Variants in PHC3 observed in about 807,000 individuals in gnomAD.
The protein encoded by PHC3 is polyhomeotic-like protein 3.
Under a neutral mutation model 107.4 loss-of-function variants are expected in PHC3, and 13 were observed. That is an observed-to-expected ratio of 0.12 (90% CI 0.08 to 0.19). The LOEUF (loss-of-function observed/expected upper bound fraction) is 0.19, where lower values mean the gene tolerates loss of function less well. Ranked by LOEUF, PHC3 falls within the 10% of genes least tolerant of loss-of-function variation. The pLI, the probability that PHC3 is intolerant of heterozygous loss-of-function variation, is 1.00. For synonymous variants in PHC3, 456 were observed against 427.4 expected (o/e 1.07, Z -0.83); for missense variants, 992 against 1,210.9 (o/e 0.82, Z 2.68).
chr3:170,103,760 A>G (rs1166620487), intron 12 of PHC3, among the ~76,000 whole-genome samples: 1 of 152,188 alleles, frequency 6.6e-6, no homozygotes, highest in Non-Finnish European at 1.5e-5. Context: ...CAGCCATTGA[A>G]AATACCCTGA....
In PHC3 at chr3:170,172,622, G is replaced by C; in HGVS notation, c.271C>G (p.His91Asp). 6.2e-7 allele frequency: 1 copy of C among 1,613,726 alleles called. No homozygotes were observed. Among genetic ancestry groups the C allele is most frequent in the Non-Finnish European group, 8.5e-7 (1 of 1,179,856 alleles). The change falls in exon 3 of 15, where the codon CAT (histidine) becomes GAT (aspartate). Residue 91 changes from histidine (H) to aspartate (D), a missense_variant. Physicochemically the swap from His to Asp is moderately conservative, Grantham distance 81. This residue lies in a region of PHC3 where 161 missense variants were observed against 183.7 expected (regional missense o/e 0.88). Transcript: ENST00000495893. ...YAAQQQHLML[H>D]TAALQQQHLS... The stretch of plus-strand genomic sequence containing the variant: ...TGCTGCTGCTGAAGAGCTGCAGTAT[G>C]CAGCATCAAGTGCTGTTGTTGGGCT...
At position 170,089,827 on chromosome 3, in the gene PHC3, C is replaced by T. The variant is rs1310910377; in HGVS notation, c.*7403G>A. 6.8e-6 allele frequency: 1 copy of T among 146,024 alleles called. No individual in the cohort carries two copies. 9.0% of individuals were successfully genotyped at this position (146,024 alleles called of 1,614,324 possible). A position where few individuals can be genotyped will look rare whatever the true frequency, so the allele number is the denominator to read the frequency against. On this transcript the variant is annotated 3_prime_UTR_variant, in exon 15 of 15. Coordinates refer to ENST00000495893, the MANE Select transcript of PHC3 (RefSeq NM_024947.4). ...AGCTACTTGGAAGGCTGAGGCAAGA[C>T]AATCGCTTCAACCCGGGAGGTGGAG...
intron 3 of PHC3, 73 bp from the exon 4 acceptor site, chr3:170,171,523 C>A: frequency 9.7e-7 from 1 of 1,027,288 alleles, no homozygotes; most frequent in Non-Finnish European, 1.4e-6. Context: ...CATGATAACA[C>A]AAAACCACAA....
rs1019764887 is a variant in PHC3, at chr3:170,129,277, T to G, written c.1195A>C (p.Asn399His). ...GACTGCTGTGCTGACTGTGACTGAT[T>G]AGGAGACACTGTTAAAGGAGAGGGA... is the stretch of plus-strand genomic sequence containing the variant. The part of the protein sequence containing the change: ...SHPSPLTVSP[N>H]QSQSAQQSVV... The change falls in exon 8 of 15, where the codon AAT becomes CAT. Residue 399 changes from asparagine to histidine, a missense_variant. This residue lies in a region of PHC3 where 543 missense variants were observed against 590.8 expected (regional missense o/e 0.92). Coordinates refer to ENST00000495893, the MANE Select transcript of PHC3 (RefSeq NM_024947.4). 2.5e-6 allele frequency: 4 copies of G among 1,613,850 alleles called. No homozygotes were observed. Among genetic ancestry groups the G allele is most frequent in the Non-Finnish European group, 3.4e-6 (4 of 1,179,832 alleles).
At chr3:170,179,403 T>C (rs1731034233) in intron 1 of PHC3, among the ~76,000 whole-genome samples, 1 of 152,212 alleles carries the variant, frequency 6.6e-6, no homozygotes, top group African/African-American at 2.4e-5. Context: ...TTAACTAGCT[T>C]AGTTTAGTTT....
rs1714791298 is a variant in PHC3 at position 170,097,583 on chromosome 3, C to G, written c.2834-199G>C. 6.6e-6 allele frequency among the ~76,000 whole-genome samples: 1 copy of G among 151,962 alleles called. No homozygotes were observed. The highest frequency in any genetic ancestry group is 1.5e-5 in the Non-Finnish European group (1 of 67,972). On this transcript the variant is annotated intron_variant, in intron 14 of 14. Transcript: ENST00000495893. The surrounding 1 kb of genome is among the most constrained non-coding windows in gnomAD (Gnocchi z 4.1). Reference sequence around the variant, plus strand: ...CATTCTGAAAATAAGAATTCAAAATCCAGGTAAAGCAATTTGCTTGGAATT... The same window carrying G: ...CATTCTGAAAATAAGAATTCAAAATGCAGGTAAAGCAATTTGCTTGGAATT...
chr3:170,172,618 G>C lies in PHC3; in HGVS notation c.275C>G (p.Thr92Ser). 1.2e-6 allele frequency: 2 copies of C among 1,613,714 alleles called. No homozygotes were observed. The highest frequency in any genetic ancestry group is 1.7e-6 in the Non-Finnish European group (2 of 1,179,834). Residue 92 changes from threonine (T) to serine (S), a missense_variant, in exon 3 of 15, where the codon ACT (threonine) becomes AGT (serine). By Grantham distance (58) the Thr-to-Ser change is moderately conservative (BLOSUM62 1). Coordinates refer to ENST00000495893, the MANE Select transcript of PHC3 (RefSeq NM_024947.4). Reference protein sequence around the residue: ...AAQQQHLMLHTAALQQQHLSS... With the variant: ...AAQQQHLMLHSAALQQQHLSS... ...TAAATGCTGCTGCTGAAGAGCTGCA[G>C]TATGCAGCATCAAGTGCTGTTGTTG... is the stretch of plus-strand genomic sequence containing the variant.
Position 170,181,691 on chromosome 3 carries a change from T to C in PHC3, c.14+11A>G, listed in dbSNP as rs1333324936. ...CCTAGTTACGACATCAGTCACCATC[T>C]AGTCACTCACTCCGCTTCCGCCATC... On this transcript the variant is annotated intron_variant, in intron 1 of 14. Coordinates refer to ENST00000495893, the MANE Select transcript of PHC3 (RefSeq NM_024947.4). 1 of 1,613,254 alleles carries C rather than the reference T, an allele frequency of 6.2e-7. No homozygotes were observed. Among genetic ancestry groups the C allele is most frequent in the Non-Finnish European group, 8.5e-7 (1 of 1,179,800 alleles).
Position 170,138,185 on chromosome 3 carries a change from A to G in PHC3, c.673-1520T>C, listed in dbSNP as rs549561474. On this transcript the variant is annotated intron_variant, in intron 6 of 14. Transcript: ENST00000495893. ...CCACAAGTCTGGGTGACAGAGCAAG[A>G]CTCTGTCTCAAAAAAACAAATAAAT... 1.1e-3 allele frequency among the ~76,000 whole-genome samples: 166 copies of G among 152,170 alleles called. 1 individual carries two copies. The highest frequency in any genetic ancestry group is 3.8e-3 in the African/African-American group (159 of 41,512).
intron 6 of PHC3, 121 bp from the exon 7 acceptor site, chr3:170,136,786 C>G (rs13086249): frequency 1.9e-6 from 2 of 1,032,482 alleles, no homozygotes; most frequent in African/African-American, 3.3e-5. Flanking sequence ...CGTAAAGCTC[C>G]AAGCACTTGA....
intron 2 of PHC3, among the ~76,000 whole-genome samples, chr3:170,174,454 C>A (rs1439174914): frequency 1.3e-5 from 2 of 152,092 alleles, no homozygotes; most frequent in African/African-American, 2.4e-5. Flanking sequence ...AGAGAAAATT[C>A]TTACATTTCT....
chr3:170,174,818 T>C (rs1362871957), intron 2 of PHC3, among the ~76,000 whole-genome samples: 1 of 152,234 alleles, frequency 6.6e-6, no homozygotes, highest in Non-Finnish European at 1.5e-5. Flanking sequence ...CAGGGGACTA[T>C]AGGCCAGCAT....
intron 4 of PHC3, among the ~76,000 whole-genome samples, chr3:170,162,530 T>C (rs1369106341): frequency 6.6e-6 from 1 of 152,154 alleles, no homozygotes; most frequent in African/African-American, 2.4e-5. Flanking sequence ...ATTTCTATAA[T>C]TAAAGGTTAA....
chr3:170,167,491 A>G (rs1728913703), intron 4 of PHC3, among the ~76,000 whole-genome samples: 1 of 152,226 alleles, frequency 6.6e-6, no homozygotes, highest in Non-Finnish European at 1.5e-5. Flanking sequence ...CAGGCGCAGT[A>G]GTTCACACTT....
At chr3:170,100,882 G>T (rs1715359457) in intron 14 of PHC3, among the ~76,000 whole-genome samples, 2 of 152,132 alleles carry the variant, frequency 1.3e-5, no homozygotes, top group South Asian at 4.1e-4. Flanking sequence ...TTCTGCAAAG[G>T]AAAAGAAAAA....
intron 11 of PHC3, among the ~76,000 whole-genome samples, chr3:170,112,297 G>GGCTC (rs1717955901): frequency 6.6e-6 from 1 of 151,444 alleles, no homozygotes; most frequent in Non-Finnish European, 1.5e-5. Context: ...TGCAACTTCC[G>GGCTC]ACTCCCTGGT....
chr3:170,125,630 C>T (rs1407475604), intron 8 of PHC3, among the ~76,000 whole-genome samples: 1 of 152,000 alleles, frequency 6.6e-6, no homozygotes, highest in Non-Finnish European at 1.5e-5. Context: ...ATGAAAAGAG[C>T]CATAACACAA....
chr3:170,149,468 T>C (rs992415937), intron 4 of PHC3, among the ~76,000 whole-genome samples: 2 of 152,090 alleles, frequency 1.3e-5, no homozygotes, highest in African/African-American at 4.8e-5. Context: ...TTTTTTTTTT[T>C]TTAAGATGGG....
rs1714429739 is a variant in PHC3 at position 170,094,472 on chromosome 3, CCAGT to C, written c.*2754_*2757del. On this transcript the variant is annotated 3_prime_UTR_variant, in exon 15 of 15. Transcript: ENST00000495893. ...CCTTTCTGTTTGTCATTATCTCTCC[CCAGT>C]CAAAATCCTAAAACTATTAGTAGTA... 1 of 152,050 alleles carries C rather than the reference CCAGT, an allele frequency of 6.6e-6. No individual in the cohort carries two copies. The highest frequency in any genetic ancestry group is 2.4e-5 in the African/African-American group (1 of 41,368). 9.4% of individuals were successfully genotyped at this position (152,050 alleles called of 1,614,324 possible).
Sources: gnomAD v4.1 joint callset for allele counts (sites outside exome capture counted in the v4.1 genomes callset) on GRCh38, gnomAD v4.1.1 for gene constraint, gnomAD v4.1.1 regional missense constraint, Gnocchi (gnomAD v3.1) non-coding constraint, MANE v1.5 for transcripts, NCBI Gene and HGNC (gene_info 2026-07-23, HGNC 2026-07-21) for gene names.